Variants in LIN54 observed in about 807,000 individuals in gnomAD.
LIN54 encodes the protein lin-54 DREAM MuvB core complex component, also known as protein lin-54 homolog.
LIN54 carries 9 observed loss-of-function variants against 78.7 expected under a neutral mutation model. The ratio of observed to expected loss-of-function variants is 0.11; its 90% CI spans 0.07 to 0.20. The LOEUF is 0.20. Among genes scored for constraint, LIN54 ranks in the 10% least tolerant of loss-of-function variants. LIN54 has a pLI of 1.00. For missense variants in LIN54, 573 were observed against 889.9 expected (o/e 0.64, Z 4.53); for synonymous variants, 269 against 318.4 (o/e 0.84, Z 1.65).
At chr4:82,992,257 T>C (rs1195379186) in intron 1 of LIN54, among the ~76,000 whole-genome samples, 1 of 152,228 alleles carries the variant, frequency 6.6e-6, no homozygotes, top group Non-Finnish European at 1.5e-5. Context: ...AAGTTACATG[T>C]AATATTCTTT....
Position 83,010,500 on chromosome 4 carries a change from T to C in LIN54, c.-49A>G. The C allele has an allele frequency of 1.3e-5, 14 of 1,057,550 alleles. No homozygotes were observed. The highest frequency in any genetic ancestry group is 1.5e-5 in the Non-Finnish European group (13 of 879,354). The allele number at this position is 1,057,550 out of a possible 1,614,324, so 65.5% of individuals were successfully genotyped here. On this transcript the variant is annotated 5_prime_UTR_variant, in exon 1 of 13. Transcript: ENST00000340417. ...CTCCTCTACCTCCAGCGGCTGCCGC[T>C]TTCTCCTCCCTCGGGCTCCGAGGTA...
intron 4 of LIN54, among the ~76,000 whole-genome samples, chr4:82,951,480 C>A (rs1378788218): frequency 6.6e-6 from 1 of 152,020 alleles, no homozygotes; most frequent in Non-Finnish European, 1.5e-5. Flanking sequence ...GTATCAGGAC[C>A]AGAAACCAGC....
At chr4:82,976,190 G>A (rs556214033) in intron 3 of LIN54, among the ~76,000 whole-genome samples, 1 of 152,144 alleles carries the variant, frequency 6.6e-6, no homozygotes, top group African/African-American at 2.4e-5. Flanking sequence ...TTAATGCTAA[G>A]AAAGCACTGG....
At chr4:82,965,412 G>A (rs1024038146) in intron 4 of LIN54, among the ~76,000 whole-genome samples, 1 of 152,144 alleles carries the variant, frequency 6.6e-6, no homozygotes, top group Non-Finnish European at 1.5e-5. Flanking sequence ...AAAGCTGGAG[G>A]AGGGAGTGAA....
Position 82,955,369 on chromosome 4 carries a change from A to AATAACATAACATAACATAACATAAC in LIN54, c.952-8920_952-8896dup, listed in dbSNP as rs537329208. 6.3e-3 allele frequency among the ~76,000 whole-genome samples: 870 copies of AATAACATAACATAACATAACATAAC among 138,384 alleles called. 11 individuals carry two copies. The highest frequency in any genetic ancestry group is 8.4e-3 in the Non-Finnish European group (543 of 64,402). 90.8% of individuals were successfully genotyped at this position (138,384 alleles called of 152,430 possible). On this transcript the variant is annotated intron_variant, in intron 4 of 12. Transcript: ENST00000340417. ...ACAGAGCGAGACTCCATCTCAAAAA[A>AATAACATAACATAACATAACATAAC]ATAACATAACATAACATAACATAAC...
rs1199878537 is a variant in LIN54, at chr4:82,925,832, C to G, written c.*2270G>C. ...TCTAGTAAATATAAATTTAATCTTT[C>G]TACTTTGGGATGTAAATAGAGCTAA... is the stretch of plus-strand genomic sequence containing the variant. On this transcript the variant is annotated 3_prime_UTR_variant, in exon 13 of 13. Transcript: ENST00000340417. The G allele has an allele frequency of 6.6e-6, 1 of 152,580 alleles. No individual in the cohort carries two copies. Among genetic ancestry groups the G allele is most frequent in the Non-Finnish European group, 1.5e-5 (1 of 67,974 alleles). 9.5% of individuals were successfully genotyped at this position (152,580 alleles called of 1,614,324 possible).
chr4:83,012,457 G>T (rs568574330), upstream of LIN54, among the ~76,000 whole-genome samples: 41 of 152,244 alleles, frequency 2.7e-4, no homozygotes, highest in African/African-American at 9.4e-4. Context: ...GTTGGGTCGC[G>T]CAGTGTGCGT....
intron 4 of LIN54, among the ~76,000 whole-genome samples, chr4:82,962,082 G>A (rs1263719304): frequency 6.6e-6 from 1 of 152,074 alleles, no homozygotes; most frequent in Non-Finnish European, 1.5e-5. Flanking sequence ...GAGCTCTCTA[G>A]GAACCTAACC....
intron 4 of LIN54, among the ~76,000 whole-genome samples, chr4:82,949,050 C>T (rs143338008): frequency 5.4e-4 from 82 of 152,262 alleles, no homozygotes; most frequent in African/African-American, 1.9e-3. Context: ...ATTGCTGGGT[C>T]ATGTGGTAGT....
At chr4:82,961,084 T>C (rs1382246762) in intron 4 of LIN54, among the ~76,000 whole-genome samples, 1 of 152,120 alleles carries the variant, frequency 6.6e-6, no homozygotes, top group Non-Finnish European at 1.5e-5. Flanking sequence ...AAAATTTTTC[T>C]TTTGAACCTA....
intron 1 of LIN54, among the ~76,000 whole-genome samples, chr4:82,998,350 C>G (rs1005573866): frequency 1.3e-5 from 2 of 151,908 alleles, no homozygotes; most frequent in Non-Finnish European, 2.9e-5. Context: ...CAAGAACGGC[C>G]TGGTCAACAT....
intron 4 of LIN54, among the ~76,000 whole-genome samples, chr4:82,964,129 C>A (rs1376109044): frequency 6.6e-6 from 1 of 151,876 alleles, no homozygotes; most frequent in African/African-American, 2.4e-5. Flanking sequence ...TGGCTCACTG[C>A]AACCTCCACC....
chr4:82,970,500 C>T (rs1461811702), intron 3 of LIN54, 31 bp from the exon 4 acceptor site: 1 of 1,584,058 alleles, frequency 6.3e-7, no homozygotes, highest in African/African-American at 1.4e-5. Flanking sequence ...ATCAGTTTGA[C>T]TTTTTTCAAT....
At chr4:82,966,425 C>T (rs1001884356) in intron 4 of LIN54, among the ~76,000 whole-genome samples, 7 of 148,826 alleles carry the variant, frequency 4.7e-5, no homozygotes, top group East Asian at 3.9e-4. Flanking sequence ...ACTTACTAAA[C>T]GATGGTATCC....
intron 1 of LIN54, among the ~76,000 whole-genome samples, chr4:82,987,748 T>C (rs965987070): frequency 6.6e-6 from 1 of 152,238 alleles, no homozygotes; most frequent in Non-Finnish European, 1.5e-5. Flanking sequence ...CCATGGTGTA[T>C]AAGTGCCAAA....
chr4:82,969,982 A>G (rs985292861), intron 4 of LIN54, among the ~76,000 whole-genome samples: 6 of 152,202 alleles, frequency 3.9e-5, no homozygotes, highest in African/African-American at 1.4e-4. Flanking sequence ...ATTTTATATC[A>G]TAAGTCTATA....
intron 1 of LIN54, among the ~76,000 whole-genome samples, chr4:82,992,237 T>TA (rs1727781610): frequency 1.3e-5 from 2 of 152,246 alleles, no homozygotes; most frequent in Non-Finnish European, 2.9e-5. Flanking sequence ...CTGCCAAATG[T>TA]AGTAGCACAA....
At chr4:82,942,400 C>T (rs1722978951) in intron 5 of LIN54, among the ~76,000 whole-genome samples, 1 of 152,176 alleles carries the variant, frequency 6.6e-6, no homozygotes, top group South Asian at 2.1e-4. Context: ...TTATGGTATA[C>T]ATGAATTACA....
chr4:82,960,106 C>G (rs1368339277), intron 4 of LIN54, among the ~76,000 whole-genome samples: 2 of 152,104 alleles, frequency 1.3e-5, no homozygotes, highest in African/African-American at 4.8e-5. Flanking sequence ...CCTTTTTTAT[C>G]CTGATACATT....
Sources: allele counts gnomAD v4.1 joint callset (sites outside exome capture counted in the v4.1 genomes callset), GRCh38; gene constraint gnomAD v4.1.1; transcripts MANE v1.5; gene names NCBI Gene and HGNC (gene_info 2026-07-23, HGNC 2026-07-21).